The following CHN1 variants were observed in gnomAD, a reference collection of about 807,000 sequenced individuals.
CHN1 encodes N-chimaerin.
CHN1 carries 37 observed loss-of-function variants against 59.5 expected under a neutral mutation model. The ratio of observed to expected loss-of-function variants is 0.62; its 90% CI spans 0.48 to 0.82. The LOEUF (loss-of-function observed/expected upper bound fraction) is 0.82. CHN1 is among the 40% of genes least tolerant of loss of function. CHN1 has a pLI of 0.00. For missense variants in CHN1, 469 were observed against 571.0 expected (o/e 0.82, Z 1.82); for synonymous variants, 206 against 200.4 (o/e 1.03, Z -0.24).
intron 3 of CHN1, among the ~76,000 whole-genome samples, chr2:174,934,004 A>T (rs759449249): frequency 3.9e-5 from 6 of 152,214 alleles, no homozygotes; most frequent in Admixed American, 6.5e-5. Context: ...GTAAGGTATC[A>T]GAACAGTGGT....
chr2:174,830,193 A>G (rs910630006), intron 7 of CHN1, among the ~76,000 whole-genome samples: 20 of 152,098 alleles, frequency 1.3e-4, no homozygotes, highest in African/African-American at 4.6e-4. Context: ...AGATCGTGCC[A>G]CTGCACTCCA....
chr2:174,823,970 A>G (rs373335121), intron 8 of CHN1, among the ~76,000 whole-genome samples: 1 of 152,250 alleles, frequency 6.6e-6, no homozygotes, highest in Admixed American at 6.5e-5. Flanking sequence ...GAATTCACAG[A>G]TTTTTAAAGC....
chr2:174,905,653 C>T (rs181939964), intron 5 of CHN1, among the ~76,000 whole-genome samples: 134 of 152,180 alleles, frequency 8.8e-4, no homozygotes, highest in African/African-American at 3.0e-3. Flanking sequence ...CAAACTCCAC[C>T]TCCCGGGTTC....
At chr2:174,903,190 A>AT (rs1485856339) in intron 5 of CHN1, among the ~76,000 whole-genome samples, 1 of 152,244 alleles carries the variant, frequency 6.6e-6, no homozygotes, top group African/African-American at 2.4e-5. Context: ...ATCACTGATC[A>AT]TCAACCTCCT....
rs1324423044 is a variant in CHN1, at chr2:175,005,292, G to C, written c.-380C>G. ...GGCGGCGGCGGCGGCGACGGGGAGA[G>C]CAGCAGCAGCCTCGCACAGCCCCCG... On this transcript the variant is annotated 5_prime_UTR_variant, in exon 1 of 13. Transcript: ENST00000409900. 1 of 1,197,602 alleles carries C rather than the reference G, an allele frequency of 8.4e-7. No individual in the cohort carries two copies. Among genetic ancestry groups the C allele is most frequent in the Admixed American group, 3.7e-5 (1 of 27,144 alleles). The allele number at this position is 1,197,602 out of a possible 1,614,324, so 74.2% of individuals were successfully genotyped here.
chr2:174,811,761 T>C (rs915879778), intron 9 of CHN1, among the ~76,000 whole-genome samples, 173 bp from the exon 10 acceptor site: 6 of 152,242 alleles, frequency 3.9e-5, no homozygotes, highest in African/African-American at 1.2e-4. Context: ...TCTTTAACTC[T>C]TACCTATTGT....
intron 5 of CHN1, among the ~76,000 whole-genome samples, chr2:174,890,264 A>T (rs534890450): frequency 6.6e-6 from 1 of 152,360 alleles, no homozygotes; most frequent in African/African-American, 2.4e-5. Flanking sequence ...AAAGGAAGGC[A>T]GGTGACCATA....
intron 12 of CHN1, 107 bp downstream of exon 12, chr2:174,801,596 CATTT>C (rs1376307305): frequency 2.2e-5 from 16 of 723,096 alleles, no homozygotes; most frequent in Non-Finnish European, 3.8e-5. Flanking sequence ...TATAGCTATG[CATTT>C]ATTTATTCAT....
rs1290155476 is a variant in CHN1, at chr2:174,808,928, T to C, written c.1079A>G (p.Tyr360Cys). Residue 360 changes from tyrosine to cysteine, a missense_variant, in exon 11 of 13, where the codon TAC (tyrosine) becomes TGC (cysteine). Tyr to Cys is a radical substitution (Grantham distance 194). Coordinates refer to ENST00000409900, the MANE Select transcript of CHN1 (RefSeq NM_001822.7). ...ACTGGCAGATTCTATAAACTTAGGG[T>C]AGGCATCATATGTAATGAGTGGAAT... ...LPIPLITYDA[Y>C]PKFIESAKIM... 6.2e-7 allele frequency: 1 copy of C among 1,613,740 alleles called. No individual in the cohort carries two copies. The highest frequency in any genetic ancestry group is 1.1e-5 in the South Asian group (1 of 91,062).
intron 1 of CHN1, among the ~76,000 whole-genome samples, chr2:175,002,114 G>T (rs1445104173): frequency 6.6e-6 from 1 of 152,190 alleles, no homozygotes; most frequent in Non-Finnish European, 1.5e-5. Flanking sequence ...GATGTTTGCT[G>T]AAAAAATGAG....
At chr2:174,933,495 A>C (rs1292561359) in intron 3 of CHN1, among the ~76,000 whole-genome samples, 1 of 152,188 alleles carries the variant, frequency 6.6e-6, no homozygotes, top group Non-Finnish European at 1.5e-5. Flanking sequence ...GAAAAAAAAA[A>C]CTACTAGATT....
At chr2:174,847,723 T>C (rs1686577414) in intron 6 of CHN1, 2 of 1,006,274 alleles carry the variant, frequency 2.0e-6, no homozygotes, top group Non-Finnish European at 2.8e-6. Context: ...ACTCACTCTG[T>C]CTCTGTTTCT....
At chr2:174,951,330 G>A (rs1357829563) in intron 2 of CHN1, among the ~76,000 whole-genome samples, 3 of 152,078 alleles carry the variant, frequency 2.0e-5, no homozygotes, top group Non-Finnish European at 4.4e-5. Context: ...TAAGACCAAT[G>A]AGAATCTGAA....
chr2:174,976,936 G>T (rs1318217507), intron 1 of CHN1, among the ~76,000 whole-genome samples: 1 of 152,114 alleles, frequency 6.6e-6, no homozygotes, highest in Non-Finnish European at 1.5e-5. Flanking sequence ...ACTGTCAATG[G>T]TCCTATTAGC....
At chr2:174,926,145 A>G (rs1377142365) in intron 3 of CHN1, among the ~76,000 whole-genome samples, 1 of 152,234 alleles carries the variant, frequency 6.6e-6, no homozygotes, top group Non-Finnish European at 1.5e-5. Flanking sequence ...TAAAATATCA[A>G]TGAAATTCAT....
intron 5 of CHN1, among the ~76,000 whole-genome samples, chr2:174,883,205 C>T (rs915279897): frequency 3.3e-5 from 5 of 152,146 alleles, no homozygotes; most frequent in Non-Finnish European, 7.4e-5. Flanking sequence ...GTTAGATATT[C>T]CTCCTGCCCT....
intron 1 of CHN1, among the ~76,000 whole-genome samples, chr2:175,001,290 T>A (rs941544888): frequency 3.3e-5 from 5 of 152,208 alleles, no homozygotes; most frequent in Non-Finnish European, 7.3e-5. Flanking sequence ...TCCTATAAAA[T>A]TAGCTTTCAG....
intron 1 of CHN1, among the ~76,000 whole-genome samples, chr2:174,971,439 A>G (rs543788454): frequency 6.6e-6 from 1 of 152,358 alleles, no homozygotes; most frequent in East Asian, 1.9e-4. Context: ...AAATAGCAAC[A>G]CATATAACCC....
intron 6 of CHN1, among the ~76,000 whole-genome samples, chr2:174,865,787 T>G (rs1316592414): frequency 2.0e-5 from 3 of 152,338 alleles, no homozygotes; most frequent in Admixed American, 2.0e-4. Flanking sequence ...CAGCCTATTC[T>G]ACCTCTTGGA....
Sources: gnomAD v4.1 joint callset for allele counts (sites outside exome capture counted in the v4.1 genomes callset) on GRCh38, gnomAD v4.1.1 for gene constraint, MANE v1.5 for transcripts, NCBI Gene and HGNC (gene_info 2026-07-23, HGNC 2026-07-21) for gene names.